Variants in MYOM3 observed in about 807,000 individuals in gnomAD.
MYOM3 encodes myomesin 3, also known as myomesin-3.
MYOM3 carries 155 observed loss-of-function variants against 191.7 expected under a neutral mutation model. The observed-to-expected ratio is 0.81, with a 90% CI of 0.71 to 0.92. MYOM3 has a LOEUF of 0.92. MYOM3 is among the 40% of genes least tolerant of loss of function. The pLI is 0.00. For missense variants in MYOM3, 1,889 were observed against 1,890.6 expected, an observed-to-expected ratio of 1.00 and a Z score of 0.02; for synonymous variants, 757 against 762.9, an observed-to-expected ratio of 0.99 and a Z score of 0.13.
chr1:24,107,714 C>T (rs1643996636), intron 3 of MYOM3, among the ~76,000 whole-genome samples: 1 of 152,198 alleles, frequency 6.6e-6, no homozygotes, highest in Non-Finnish European at 1.5e-5. Context: ...AGCCCCCTCC[C>T]CCACCACGTG....
Position 24,067,103 on chromosome 1 carries a change from C to T in MYOM3, c.3356-15G>A, listed in dbSNP as rs1371868824. The T allele has an allele frequency of 6.4e-7, 1 of 1,564,872 alleles. No homozygotes were observed. The highest frequency in any genetic ancestry group is 1.7e-4 in the Middle Eastern group (1 of 6,002). On this transcript the variant is annotated splice_polypyrimidine_tract_variant and intron_variant, in intron 27 of 36. Coordinates refer to ENST00000374434, the MANE Select transcript of MYOM3 (RefSeq NM_152372.4). Reference sequence around the variant, plus strand: ...AAAATAGGGACCTGTGCGTGCAAAACAAATGTGCCCACTGTCAGAGAGCCA... The same window carrying T: ...AAAATAGGGACCTGTGCGTGCAAAATAAATGTGCCCACTGTCAGAGAGCCA...
At chr1:24,089,109 A>T (rs4649182) in intron 14 of MYOM3, among the ~76,000 whole-genome samples, 72,470 of 151,858 alleles carry the variant, frequency 0.48, 17,681 homozygotes, top group East Asian at 0.73. Context: ...TGCTAATCAC[A>T]CCATAGGCTC....
At position 24,061,991 on chromosome 1, in the gene MYOM3, C is replaced by A. The variant is rs913505445; in HGVS notation, c.3889G>T (p.Ala1297Ser). The change falls in exon 33 of 37, where the codon GCA (alanine) becomes TCA (serine). Residue 1297 changes from alanine to serine, a missense_variant. By Grantham distance (99) the Ala-to-Ser change is moderately conservative. Coordinates refer to ENST00000374434, the MANE Select transcript of MYOM3 (RefSeq NM_152372.4). The part of the protein sequence containing the change: ...DKGKYTLEIA[A>S]GKEVRQLSTD... ...GAGAGCTGCCGGACTTCCTTCCCTG[C>A]AGCTATTTCCAGAGTGTATTTGCCC... 1.9e-6 allele frequency: 3 copies of A among 1,614,206 alleles called. No homozygotes were observed. Among genetic ancestry groups the A allele is most frequent in the Non-Finnish European group, 2.5e-6 (3 of 1,180,042 alleles).
chr1:24,062,985 T>C (rs2148541657), intron 32 of MYOM3, 141 bp downstream of exon 32: 1 of 621,740 alleles, frequency 1.6e-6, no homozygotes, highest in Non-Finnish European at 2.9e-6. Context: ...CTGTCTCTGC[T>C]AACCCCTGGG....
Position 24,058,990 on chromosome 1 carries a change from A to G in MYOM3, c.3995-11T>C, listed in dbSNP as rs1340152954. ...CCACTTTGGCACGATCTGGAAGGGA[A>G]ATAAGAGACCCCAGCGATGAATCCT... On this transcript the variant is annotated splice_polypyrimidine_tract_variant and intron_variant, in intron 35 of 36. Transcript: ENST00000374434. 1 of 1,606,348 alleles carries G rather than the reference A, an allele frequency of 6.2e-7. No homozygotes were observed. Among genetic ancestry groups the G allele is most frequent in the Non-Finnish European group, 8.5e-7 (1 of 1,174,430 alleles).
chr1:24,089,788 G>C, intron 13 of MYOM3, 123 bp from the exon 14 acceptor site: 1 of 1,207,986 alleles, frequency 8.3e-7, no homozygotes, highest in South Asian at 1.6e-5. Context: ...GGCAGTAGTT[G>C]GCTCCAGGTC....
In MYOM3 at chr1:24,057,428, G is replaced by A. The variant is rs201761830; in HGVS notation, c.4250C>T (p.Thr1417Met). 155 of 1,614,020 alleles carry A rather than the reference G, an allele frequency of 9.6e-5. No individual in the cohort carries two copies. Among genetic ancestry groups the A allele is most frequent in the East Asian group, 1.6e-4 (7 of 44,880 alleles). ...GAACACACTGATGGTGACCTGGCCC[G>A]TCTCGGAGCCATACTTGTTCTTGAC... is the stretch of plus-strand genomic sequence containing the variant. ...VFVKNKYGSE[T>M]GQVTISVFKH... Residue 1417 changes from threonine (T) to methionine (M), a missense_variant, in exon 37 of 37, where the codon ACG (threonine) becomes ATG (methionine). Transcript: ENST00000374434.
chr1:24,068,835 T>C (rs973369551), intron 25 of MYOM3, among the ~76,000 whole-genome samples: 13 of 152,152 alleles, frequency 8.5e-5, no homozygotes, highest in African/African-American at 2.9e-4. Flanking sequence ...GCAATTCTCC[T>C]GCCTCAGTCT....
At chr1:24,080,418 C>G (rs1004860312) in intron 19 of MYOM3, among the ~76,000 whole-genome samples, 1 of 152,186 alleles carries the variant, frequency 6.6e-6, no homozygotes, top group African/African-American at 2.4e-5. Context: ...AAAATGCGCT[C>G]AGCCTCCCCT....
intron 13 of MYOM3, 96 bp from the exon 14 acceptor site, chr1:24,089,761 C>T (rs1643792710): frequency 1.4e-6 from 2 of 1,389,144 alleles, no homozygotes; most frequent in African/African-American, 2.9e-5. Flanking sequence ...TACACCCCTA[C>T]CCATCCCCCA....
chr1:24,076,490 T>C (rs1171738562), intron 20 of MYOM3, among the ~76,000 whole-genome samples: 1 of 148,628 alleles, frequency 6.7e-6, no homozygotes, highest in African/African-American at 2.5e-5. Flanking sequence ...TCCATCTGTT[T>C]TATTTCCCTA....
chr1:24,064,068 C>A lies in MYOM3; in HGVS notation c.3622+4G>T. Reference sequence around the variant, plus strand: ...ACAGCCCCTGACCCATCGCCAGCTCCTACCGTCACCCGTGAGGTCCAATAT... The same window carrying A: ...ACAGCCCCTGACCCATCGCCAGCTCATACCGTCACCCGTGAGGTCCAATAT... On this transcript the variant is annotated splice_donor_region_variant and intron_variant, in intron 30 of 36. Transcript: ENST00000374434. 6.2e-7 allele frequency: 1 copy of A among 1,613,182 alleles called. No homozygotes were observed. The highest frequency in any genetic ancestry group is 1.1e-5 in the South Asian group (1 of 91,052).
chr1:24,087,373 T>C lies in MYOM3; in HGVS notation c.1615-546A>G, dbSNP rs1643762965. Among the ~76,000 whole-genome samples, 1 of 152,144 alleles carries C rather than the reference T, an allele frequency of 6.6e-6. No homozygotes were observed. ...AATGGCCATCAGGGGGATCCTTTTA[T>C]AGCACGTGTCAGACCAGGTCCCTGT... On this transcript the variant is annotated intron_variant, in intron 14 of 36. Transcript: ENST00000374434. The surrounding 1 kb of genome is among the most constrained non-coding windows in gnomAD (Gnocchi z 4.5).
chr1:24,094,459 G>A (rs1047279043), intron 9 of MYOM3, among the ~76,000 whole-genome samples: 1 of 152,034 alleles, frequency 6.6e-6, no homozygotes, highest in South Asian at 2.1e-4. Context: ...GAGCCACCAC[G>A]CCTGGCCTCC....
At chr1:24,070,418 CA>C (rs58259293) in intron 25 of MYOM3, among the ~76,000 whole-genome samples, 2,114 of 136,268 alleles carry the variant, frequency 0.016, 41 homozygotes, top group South Asian at 0.061. Flanking sequence ...CCTGTCTCTA[CA>C]AAAAAAAAAA....
chr1:24,091,158 C>T (rs1012097446), intron 11 of MYOM3, among the ~76,000 whole-genome samples, 162 bp from the exon 12 acceptor site: 1 of 152,200 alleles, frequency 6.6e-6, no homozygotes, highest in Non-Finnish European at 1.5e-5. Context: ...CAACCTCGGG[C>T]CCCCGGGAGA....
chr1:24,108,664 C>A lies in MYOM3; in HGVS notation c.-18-10G>T. ...TTACGAGAGCAACAACCTGTGAAGG[C>A]CAAGGTCCACGGTCATTCCACCAGG... On this transcript the variant is annotated splice_polypyrimidine_tract_variant and intron_variant, in intron 1 of 36. Transcript: ENST00000374434. 2.0e-6 allele frequency: 3 copies of A among 1,527,558 alleles called. No individual in the cohort carries two copies. Among genetic ancestry groups the A allele is most frequent in the Non-Finnish European group, 2.6e-6 (3 of 1,139,292 alleles). 94.6% of individuals were successfully genotyped at this position (1,527,558 alleles called of 1,614,324 possible).
In MYOM3 at chr1:24,063,045, G is replaced by A. The variant is rs1171724716; in HGVS notation, c.3770+81C>T. The A allele has an allele frequency of 1.1e-6, 1 of 890,906 alleles. No homozygotes were observed. The highest frequency in any genetic ancestry group is 1.9e-6 in the Non-Finnish European group (1 of 534,812). The allele number at this position is 890,906 out of a possible 1,614,324, so 55.2% of individuals were successfully genotyped here. ...AAACTCTGCTTGGAGGACCAGGCAGGGAGAAGGGAGGGAGGCCCCCATGGG... is the reference window on the plus strand; with the variant it reads ...AAACTCTGCTTGGAGGACCAGGCAGAGAGAAGGGAGGGAGGCCCCCATGGG... On this transcript the variant is annotated intron_variant, in intron 32 of 36. Transcript: ENST00000374434. This position sits in a 1 kb window ranked among gnomAD's most constrained non-coding sequence, Gnocchi z 4.5.
intron 3 of MYOM3, 92 bp downstream of exon 3, chr1:24,107,901 A>G: frequency 8.9e-7 from 1 of 1,125,130 alleles, no homozygotes; most frequent in Admixed American, 2.2e-5. Flanking sequence ...CAGGTTCTTT[A>G]CACTCGGGGT....
Sources: gnomAD v4.1 joint callset for allele counts (sites outside exome capture counted in the v4.1 genomes callset) on GRCh38, gnomAD v4.1.1 for gene constraint, Gnocchi (gnomAD v3.1) non-coding constraint, MANE v1.5 for transcripts, NCBI Gene and HGNC (gene_info 2026-07-23, HGNC 2026-07-21) for gene names.